CNOT6L: variants seen among roughly 807,000 people sequenced by gnomAD.
CNOT6L encodes the protein CCR4-NOT transcription complex subunit 6-like.
In CNOT6L, 7 loss-of-function variants were observed where a neutral mutation model predicts 64.0. The ratio of observed to expected loss-of-function variants is 0.11; its 90% CI spans 0.06 to 0.21. CNOT6L has a LOEUF of 0.21. Ranked by LOEUF, CNOT6L falls within the 10% of genes least tolerant of loss-of-function variation. CNOT6L has a pLI of 1.00. For synonymous variants in CNOT6L, 193 were observed against 243.4 expected (o/e 0.79, Z 1.93); for missense variants, 245 against 669.0 (o/e 0.37, Z 6.99).
At chr4:77,723,870 T>G (rs904589267) in intron 11 of CNOT6L, among the ~76,000 whole-genome samples, 2 of 152,192 alleles carry the variant, frequency 1.3e-5, no homozygotes, top group African/African-American at 4.8e-5. Context: ...TGTCAGTAAA[T>G]AATTTTAAAC....
intron 8 of CNOT6L, among the ~76,000 whole-genome samples, chr4:77,735,080 T>G (rs1371051183): frequency 1.3e-5 from 2 of 152,146 alleles, no homozygotes; most frequent in African/African-American, 4.8e-5. Flanking sequence ...CACATACTTC[T>G]AGGAGCACCA....
Position 77,729,011 on chromosome 4 carries a change from T to G in CNOT6L, c.1095A>C (p.Pro365=). 1 of 1,613,786 alleles carries G rather than the reference T, an allele frequency of 6.2e-7. No homozygotes were observed. Among genetic ancestry groups the G allele is most frequent in the Non-Finnish European group, 8.5e-7 (1 of 1,179,716 alleles). The change falls in exon 10 of 12, where the codon CCA becomes CCC. Residue 365 remains proline, a synonymous_variant. Coordinates refer to ENST00000504123, the MANE Select transcript of CNOT6L (RefSeq NM_144571.3). ...IVANAHMHWD[P]EYSDVKLIQT... ...GGATGAGCTTCACATCAGAATACTC[T>G]GGGTCCCAATGCATGTGGGCATTTG...
chr4:77,747,069 TCTTAA>T (rs1474848091), intron 6 of CNOT6L, among the ~76,000 whole-genome samples: 2 of 151,992 alleles, frequency 1.3e-5, no homozygotes, highest in Non-Finnish European at 2.9e-5. Flanking sequence ...TTCTGAATCC[TCTTAA>T]CTTAAAAAAA....
chr4:77,775,035 T>G (rs1728003122), intron 2 of CNOT6L, among the ~76,000 whole-genome samples: 1 of 152,130 alleles, frequency 6.6e-6, no homozygotes, highest in African/African-American at 2.4e-5. Context: ...TCAAAGGATT[T>G]TGGAATGCCT....
Position 77,774,616 on chromosome 4 carries a change from G to C in CNOT6L, c.228C>G (p.Ala76=), listed in dbSNP as rs1180359621. Residue 76 remains alanine (A), a synonymous_variant, in exon 3 of 12, where the codon GCC becomes GCG. Transcript: ENST00000504123. ...NYLSRIPPDI[A]KLHNLVYLDL... ...CCAGGTAAACCAGATTATGAAGCTT[G>C]GCAATATCAGGTGGAATGCGACTAA... is the stretch of plus-strand genomic sequence containing the variant. 42 of 1,613,412 alleles carry C rather than the reference G, an allele frequency of 2.6e-5. No homozygotes were observed. In the East Asian group the frequency reaches 9.4e-4, roughly 36 times the overall value.
Position 77,744,711 on chromosome 4 carries a change from G to T in CNOT6L, c.717+7C>A. Reference sequence around the variant, plus strand: ...AGTTAAAGACAGTTTAATTTCTATGGTGTTACCTGAAGACTAATGATATCT... The same window carrying T: ...AGTTAAAGACAGTTTAATTTCTATGTTGTTACCTGAAGACTAATGATATCT... On this transcript the variant is annotated splice_region_variant and intron_variant, in intron 7 of 11. Coordinates refer to ENST00000504123, the MANE Select transcript of CNOT6L (RefSeq NM_144571.3). The T allele has an allele frequency of 6.2e-7, 1 of 1,605,166 alleles. No homozygotes were observed. Among genetic ancestry groups the T allele is most frequent in the Non-Finnish European group, 8.5e-7 (1 of 1,176,060 alleles).
intron 7 of CNOT6L, 97 bp downstream of exon 7, chr4:77,744,621 T>G (rs6833715): frequency 2.0e-6 from 2 of 1,010,790 alleles, no homozygotes; most frequent in African/African-American, 1.6e-5. Flanking sequence ...TTTTTGAGCT[T>G]TGGCTCTAAA....
In CNOT6L at chr4:77,714,386, T is replaced by C. The variant is rs908433937; in HGVS notation, c.*6045A>G. 1 of 142,202 alleles carries C rather than the reference T, an allele frequency of 7.0e-6. No individual in the cohort carries two copies. Among genetic ancestry groups the C allele is most frequent in the Admixed American group, 7.3e-5 (1 of 13,776 alleles). The allele number at this position is 142,202 out of a possible 1,614,324, so 8.8% of individuals were successfully genotyped here. A position where few individuals can be genotyped will look rare whatever the true frequency, so the allele number is the denominator to read the frequency against. On this transcript the variant is annotated 3_prime_UTR_variant, in exon 12 of 12. Transcript: ENST00000504123. ...AGATATAAATTAATCGATGGTGAAT[T>C]TGACCAACACCCTGGCCCTTATAGA... is the stretch of plus-strand genomic sequence containing the variant.
At chr4:77,794,405 A>C (rs1730561994) in intron 1 of CNOT6L, among the ~76,000 whole-genome samples, 1 of 152,080 alleles carries the variant, frequency 6.6e-6, no homozygotes, top group Admixed American at 6.5e-5. Flanking sequence ...TAAATCCAGC[A>C]ATATAAAAAA....
At chr4:77,795,464 G>A (rs1214708331) in intron 1 of CNOT6L, among the ~76,000 whole-genome samples, 1 of 152,182 alleles carries the variant, frequency 6.6e-6, no homozygotes, top group Non-Finnish European at 1.5e-5. Flanking sequence ...GTTGGAGGAG[G>A]GGCCTGGTGG....
chr4:77,789,379 A>G (rs1368921529), intron 1 of CNOT6L, among the ~76,000 whole-genome samples: 2 of 152,032 alleles, frequency 1.3e-5, no homozygotes, highest in Non-Finnish European at 2.9e-5. Context: ...AATACAATGC[A>G]AGGACCTTTT....
chr4:77,731,049 A>G (rs1405357785), intron 9 of CNOT6L, among the ~76,000 whole-genome samples: 1 of 152,174 alleles, frequency 6.6e-6, no homozygotes, highest in East Asian at 1.9e-4. Context: ...AGCTAAAAAT[A>G]TAATTCAAAA....
intron 5 of CNOT6L, among the ~76,000 whole-genome samples, chr4:77,754,887 G>GAAAAAA (rs1725286474): frequency 1.6e-4 from 2 of 12,302 alleles, no homozygotes; most frequent in Non-Finnish European, 3.6e-4. Context: ...AACATTAGAA[G>GAAAAAA]TAAAAAAAAA....
chr4:77,751,058 A>G (rs1724803888), intron 5 of CNOT6L, among the ~76,000 whole-genome samples: 2 of 152,240 alleles, frequency 1.3e-5, no homozygotes, highest in African/African-American at 4.8e-5. Flanking sequence ...TTAAAAGACC[A>G]ACAGACACCA....
At chr4:77,789,364 G>C (rs1288063763) in intron 1 of CNOT6L, among the ~76,000 whole-genome samples, 3 of 151,090 alleles carry the variant, frequency 2.0e-5, no homozygotes. Context: ...TTAACAAAAT[G>C]TTCAAATACA....
intron 2 of CNOT6L, among the ~76,000 whole-genome samples, chr4:77,775,724 C>T (rs929230908): frequency 2.0e-5 from 3 of 152,240 alleles, no homozygotes; most frequent in Middle Eastern, 3.4e-3. Flanking sequence ...TTTACATGAC[C>T]ATGACAATTT....
chr4:77,721,384 G>C (rs548352412), intron 11 of CNOT6L, among the ~76,000 whole-genome samples: 1 of 152,158 alleles, frequency 6.6e-6, no homozygotes, highest in South Asian at 2.1e-4. Flanking sequence ...TATTATCCCA[G>C]GTTGTGTATG....
chr4:77,739,777 T>C (rs957760247), intron 8 of CNOT6L, among the ~76,000 whole-genome samples: 4 of 152,216 alleles, frequency 2.6e-5, no homozygotes, highest in East Asian at 1.9e-4. Flanking sequence ...ATCTAAGTAC[T>C]TCCTATGTGC....
At chr4:77,768,498 T>C (rs1577965700) in intron 4 of CNOT6L, among the ~76,000 whole-genome samples, 1 of 130,486 alleles carries the variant, frequency 7.7e-6, no homozygotes, top group Non-Finnish European at 1.6e-5. Flanking sequence ...TATATATATA[T>C]ATATATATAT....
Sources: allele counts gnomAD v4.1 joint callset (sites outside exome capture counted in the v4.1 genomes callset), GRCh38; gene constraint gnomAD v4.1.1; transcripts MANE v1.5; gene names NCBI Gene and HGNC (gene_info 2026-07-23, HGNC 2026-07-21).